MACROD2: variants seen among roughly 807,000 people sequenced by gnomAD.
MACROD2 encodes mono-ADP ribosylhydrolase 2.
A neutral mutation model predicts 70.4 loss-of-function variants in MACROD2; 36 were observed. That is an observed-to-expected ratio of 0.51 (90% CI 0.39 to 0.68). The LOEUF is 0.68. Ranked by LOEUF, MACROD2 falls within the 30% of genes least tolerant of loss-of-function variation. The pLI is 0.00. For missense variants in MACROD2, 496 were observed against 538.4 expected, an observed-to-expected ratio of 0.92 and a Z score of 0.78; for synonymous variants, 172 against 178.8, an observed-to-expected ratio of 0.96 and a Z score of 0.30.
At chr20:15,741,629 T>C (rs1021068412) in intron 8 of MACROD2, among the ~76,000 whole-genome samples, 8 of 152,144 alleles carry the variant, frequency 5.3e-5, no homozygotes, top group African/African-American at 1.9e-4. Flanking sequence ...TACTTTCCCC[T>C]GGGCACCATA....
At chr20:14,997,649 T>G (rs936822661) in intron 5 of MACROD2, among the ~76,000 whole-genome samples, 1 of 152,224 alleles carries the variant, frequency 6.6e-6, no homozygotes, top group Non-Finnish European at 1.5e-5. Context: ...ACAGCATTTC[T>G]AGACCCACCT....
At chr20:14,763,673 G>A (rs1311405430) in intron 5 of MACROD2, among the ~76,000 whole-genome samples, 1 of 152,106 alleles carries the variant, frequency 6.6e-6, no homozygotes, top group East Asian at 1.9e-4. Flanking sequence ...TATCTGGCCA[G>A]AGTGATTCAA....
intron 8 of MACROD2, among the ~76,000 whole-genome samples, chr20:15,721,987 T>G (rs1371703606): frequency 6.6e-6 from 1 of 152,176 alleles, no homozygotes; most frequent in East Asian, 1.9e-4. Context: ...GAAATCATAT[T>G]ATATGTATTC....
intron 8 of MACROD2, among the ~76,000 whole-genome samples, chr20:15,507,699 T>TATGG (rs1185543655): frequency 6.6e-6 from 1 of 152,094 alleles, no homozygotes; most frequent in African/African-American, 2.4e-5. Flanking sequence ...GGTGTCACCA[T>TATGG]ACACTGCCAC....
At chr20:15,728,736 G>A (rs1417628016) in intron 8 of MACROD2, among the ~76,000 whole-genome samples, 2 of 152,088 alleles carry the variant, frequency 1.3e-5, no homozygotes, top group East Asian at 3.8e-4. Flanking sequence ...TGTGTGGTAG[G>A]TGGTAATGTC....
At chr20:15,154,374 G>C (rs543422904) in intron 5 of MACROD2, among the ~76,000 whole-genome samples, 1 of 152,328 alleles carries the variant, frequency 6.6e-6, no homozygotes, top group East Asian at 1.9e-4. Context: ...ACAGTGGGCA[G>C]AAAGGTCTGG....
intron 7 of MACROD2, 57 bp from the exon 8 acceptor site, chr20:15,499,717 C>T: frequency 6.6e-7 from 1 of 1,508,420 alleles, no homozygotes; most frequent in Non-Finnish European, 9.2e-7. Flanking sequence ...GCGTGATTAG[C>T]CTCCCTTTTG....
chr20:14,227,305 C>G (rs1478595353), intron 3 of MACROD2, among the ~76,000 whole-genome samples: 1 of 152,038 alleles, frequency 6.6e-6, no homozygotes, highest in African/African-American at 2.4e-5. Flanking sequence ...GGCTCGGGTC[C>G]CCTTTCACAT....
intron 8 of MACROD2, among the ~76,000 whole-genome samples, chr20:15,852,583 A>C (rs1008843593): frequency 6.6e-6 from 1 of 152,220 alleles, no homozygotes; most frequent in African/African-American, 2.4e-5. Flanking sequence ...ACTTTCACGA[A>C]GAAGAACAAT....
At chr20:14,068,845 C>T (rs1438791071) in intron 2 of MACROD2, among the ~76,000 whole-genome samples, 2 of 152,146 alleles carry the variant, frequency 1.3e-5, no homozygotes, top group African/African-American at 4.8e-5. Context: ...TGTTTGGGAT[C>T]CATTAAAGAA....
Position 15,302,593 on chromosome 20 carries a change from A to C in MACROD2, c.540+72532A>C, listed in dbSNP as rs115740833. 3.4e-3 allele frequency among the ~76,000 whole-genome samples: 516 copies of C among 152,328 alleles called. 2 individuals carry two copies. The highest frequency in any genetic ancestry group is 0.012 in the African/African-American group (499 of 41,570). On this transcript the variant is annotated intron_variant, in intron 6 of 17. Coordinates refer to ENST00000684519, the MANE Select transcript of MACROD2 (RefSeq NM_001351661.2). The stretch of plus-strand genomic sequence containing the variant: ...TGTTGATGGATATTCCATTTGCTTC[A>C]GACATTTTCTACTCTGGGTTGGTGA...
rs145524401 is a variant in MACROD2, at chr20:14,887,437, G to A, written c.418+202478G>A. On this transcript the variant is annotated intron_variant, in intron 5 of 17. Coordinates refer to ENST00000684519, the MANE Select transcript of MACROD2 (RefSeq NM_001351661.2). The stretch of plus-strand genomic sequence containing the variant: ...TTTGACTGTCTCACTCTGTAACCCA[G>A]GCTCAAGTGCAGTGGCATGATGTCG... 2.2e-3 allele frequency among the ~76,000 whole-genome samples: 325 copies of A among 150,710 alleles called. 3 individuals are homozygous for A. Among genetic ancestry groups the A allele is most frequent in the African/African-American group, 7.6e-3 (309 of 40,912 alleles).
chr20:14,862,952 G>T (rs1267478744), intron 5 of MACROD2, among the ~76,000 whole-genome samples: 1 of 151,462 alleles, frequency 6.6e-6, no homozygotes, highest in Non-Finnish European at 1.5e-5. Context: ...TGATGTGGAT[G>T]CCACGGCTTC....
intron 3 of MACROD2, among the ~76,000 whole-genome samples, chr20:14,201,221 C>T (rs2081476844): frequency 6.6e-6 from 1 of 152,050 alleles, no homozygotes; most frequent in Non-Finnish European, 1.5e-5. Context: ...AAAAATGTTT[C>T]AAGTTACATT....
intron 8 of MACROD2, among the ~76,000 whole-genome samples, chr20:15,772,084 CAAAAAA>C (rs753205618): frequency 2.8e-5 from 2 of 70,710 alleles, no homozygotes; most frequent in African/African-American, 9.8e-5. Context: ...GACTCGGTCT[CAAAAAA>C]AAAAAAAAAA....
intron 10 of MACROD2, among the ~76,000 whole-genome samples, chr20:15,921,395 A>C (rs954664015): frequency 4.6e-5 from 7 of 152,034 alleles, no homozygotes; most frequent in African/African-American, 1.7e-4. Context: ...GGCCATCGGC[A>C]CTCCCGCCCC....
Position 14,050,017 on chromosome 20 carries a change from C to T in MACROD2, c.164-35604C>T, listed in dbSNP as rs150568705. ...GAGAATCGCTTCAACCCGGGAGGCA[C>T]GGAGGTTGCAGTGAGCCGAGATCGC... On this transcript the variant is annotated intron_variant, in intron 2 of 17. Coordinates refer to ENST00000684519, the MANE Select transcript of MACROD2 (RefSeq NM_001351661.2). Among the ~76,000 whole-genome samples, 1,452 of 147,724 alleles carry T rather than the reference C, an allele frequency of 9.8e-3. 21 individuals are homozygous for T. Among genetic ancestry groups the T allele is most frequent in the African/African-American group, 0.032 (1,295 of 39,918 alleles).
At chr20:14,282,819 CTCACAA>C (rs1401145031) in intron 3 of MACROD2, among the ~76,000 whole-genome samples, 2 of 152,148 alleles carry the variant, frequency 1.3e-5, no homozygotes, top group Non-Finnish European at 2.9e-5. Context: ...CACGTGAGAA[CTCACAA>C]TCACAAAGAC....
chr20:14,552,672 C>A (rs1460384312), intron 4 of MACROD2, among the ~76,000 whole-genome samples: 1 of 152,056 alleles, frequency 6.6e-6, no homozygotes, highest in Admixed American at 6.6e-5. Context: ...TAGCCTGCTG[C>A]TCCTAGGCTA....
Sources: allele counts gnomAD v4.1 joint callset (sites outside exome capture counted in the v4.1 genomes callset), GRCh38; gene constraint gnomAD v4.1.1; transcripts MANE v1.5; gene names NCBI Gene and HGNC (gene_info 2026-07-23, HGNC 2026-07-21).